Variants in NHS observed in about 807,000 individuals in gnomAD.
The protein encoded by NHS is NHS actin remodeling regulator, also known as actin remodeling regulator NHS.
Under a neutral mutation model 72.5 loss-of-function variants are expected in NHS, and 5 were observed. The ratio of observed to expected loss-of-function variants is 0.07; its 90% CI spans 0.04 to 0.14. The LOEUF is 0.14. Among genes scored for constraint, NHS ranks in the 10% least tolerant of loss-of-function variants. The pLI is 1.00. For missense variants in NHS, 1,072 were observed against 1,355.7 expected, an observed-to-expected ratio of 0.79 and a Z score of 3.29; for synonymous variants, 464 against 547.7, an observed-to-expected ratio of 0.85 and a Z score of 2.13.
intron 1 of NHS, among the ~76,000 whole-genome samples, chrX:17,437,510 C>T (rs184980715): frequency 1.5e-4 from 17 of 111,634 alleles, no homozygotes; most frequent in Non-Finnish European, 2.8e-4. Flanking sequence ...TACCTTCCCT[C>T]CTTGGGAAAT....
intron 1 of NHS, among the ~76,000 whole-genome samples, chrX:17,428,745 G>C (rs908155218): frequency 8.9e-6 from 1 of 111,793 alleles, no homozygotes; most frequent in African/African-American, 3.3e-5. Context: ...CCAAGTTTAA[G>C]AAAGTTGAGT....
intron 1 of NHS, among the ~76,000 whole-genome samples, chrX:17,439,080 T>C (rs1186218560): frequency 4.6e-5 from 4 of 86,736 alleles, no homozygotes; most frequent in Non-Finnish European, 6.4e-5. Flanking sequence ...TCCTTCAAAA[T>C]TGGTGCACAT....
intron 1 of NHS, among the ~76,000 whole-genome samples, chrX:17,639,332 T>A (rs1332074278): frequency 8.9e-6 from 1 of 112,055 alleles, no homozygotes; most frequent in Non-Finnish European, 1.9e-5. Context: ...GTCAGGTGCC[T>A]TAGTCCATTT....
chrX:17,585,615 G>A (rs2065570640), intron 1 of NHS, among the ~76,000 whole-genome samples: 2 of 110,236 alleles, frequency 1.8e-5, no homozygotes, highest in Admixed American at 1.9e-4. Flanking sequence ...CTCTGAGGAG[G>A]GGTCCCCCAG....
At chrX:17,427,423 G>A (rs1007056235) in intron 1 of NHS, among the ~76,000 whole-genome samples, 3 of 112,309 alleles carry the variant, frequency 2.7e-5, no homozygotes, top group African/African-American at 9.7e-5. Flanking sequence ...ACCAACTCAT[G>A]CCGCTGTTGT....
intron 5 of NHS, 64 bp from the exon 6 acceptor site, chrX:17,724,235 T>A: frequency 8.4e-7 from 1 of 1,193,940 alleles, no homozygotes; most frequent in Non-Finnish European, 1.1e-6. Flanking sequence ...TATCACTGTG[T>A]TCCAAGTAAA....
rs1005518705 is a variant in NHS, at chrX:17,537,176, A to C, written c.566-150566A>C. Among the ~76,000 whole-genome samples, 3 of 112,206 alleles carry C rather than the reference A, an allele frequency of 2.7e-5. No individual in the cohort carries two copies. The Admixed American group carries it at 2.8e-4, about 11-fold the overall frequency. On this transcript the variant is annotated intron_variant, in intron 1 of 8. Transcript: ENST00000676302. ...GGGCACGTATATGGCACCAAACTTG[A>C]AGTGAAGTTTCTGGTAGATGTTTTG...
At chrX:17,482,966 C>T (rs1296715063) in intron 1 of NHS, among the ~76,000 whole-genome samples, 1 of 111,692 alleles carries the variant, frequency 9.0e-6, no homozygotes, top group Non-Finnish European at 1.9e-5. Flanking sequence ...GTTCTGACAC[C>T]TCGTGGGGAC....
intron 1 of NHS, among the ~76,000 whole-genome samples, chrX:17,588,172 G>A (rs1346496498): frequency 5.4e-5 from 6 of 111,374 alleles, no homozygotes; most frequent in Non-Finnish European, 7.5e-5. Flanking sequence ...AAAATAACAC[G>A]GTTCAAAAGC....
At chrX:17,643,410 G>A (rs189853576) in intron 1 of NHS, among the ~76,000 whole-genome samples, 1 of 111,536 alleles carries the variant, frequency 9.0e-6, no homozygotes, top group African/African-American at 3.3e-5. Flanking sequence ...GAAAGTGGGA[G>A]CTCTCAATGA....
At chrX:17,390,526 G>A (rs1345609743) in intron 1 of NHS, among the ~76,000 whole-genome samples, 2 of 111,555 alleles carry the variant, frequency 1.8e-5, no homozygotes, top group Non-Finnish European at 3.8e-5. Flanking sequence ...AGAAGTCATA[G>A]GGCTTTCTGC....
chrX:17,537,379 TG>T (rs1167819850), intron 1 of NHS, among the ~76,000 whole-genome samples: 1 of 112,640 alleles, frequency 8.9e-6, no homozygotes, highest in Non-Finnish European at 1.9e-5. Flanking sequence ...AGAATCTCTT[TG>T]GATGAGGAGG....
intron 3 of NHS, among the ~76,000 whole-genome samples, chrX:17,699,113 C>T (rs769730096): frequency 1.4e-4 from 16 of 111,890 alleles, no homozygotes; most frequent in Non-Finnish European, 2.8e-4. Context: ...ATCCCCTGTT[C>T]TTGGATAGAA....
chrX:17,539,870 G>T (rs1034102561), intron 1 of NHS, among the ~76,000 whole-genome samples: 1 of 112,023 alleles, frequency 8.9e-6, no homozygotes, highest in East Asian at 2.8e-4. Flanking sequence ...CAGGTGTGAG[G>T]TTTCTGTTTG....
intron 1 of NHS, among the ~76,000 whole-genome samples, chrX:17,430,467 G>A (rs1334657943): frequency 1.2e-5 from 1 of 85,921 alleles, no homozygotes; most frequent in Non-Finnish European, 2.2e-5. Context: ...TTATTTATTG[G>A]GTGCTAAACA....
intron 1 of NHS, among the ~76,000 whole-genome samples, chrX:17,549,832 C>T (rs2065321597): frequency 9.0e-6 from 1 of 110,758 alleles, no homozygotes; most frequent in African/African-American, 3.3e-5. Context: ...AGCCTTTAGC[C>T]CTGGAAAAGG....
At chrX:17,416,551 T>C (rs151055425) in intron 1 of NHS, among the ~76,000 whole-genome samples, 1 of 112,637 alleles carries the variant, frequency 8.9e-6, no homozygotes, top group East Asian at 2.8e-4. Flanking sequence ...GCTCACTCCA[T>C]CCACTTTGCT....
At chrX:17,731,339 G>A (rs1284563904) in intron 8 of NHS, among the ~76,000 whole-genome samples, 1 of 100,623 alleles carries the variant, frequency 9.9e-6, no homozygotes, top group Non-Finnish European at 2.0e-5. Flanking sequence ...CCGGGTTCAA[G>A]TGATTCTCCT....
intron 1 of NHS, among the ~76,000 whole-genome samples, chrX:17,485,292 T>A (rs1386362834): frequency 3.5e-5 from 4 of 112,786 alleles, no homozygotes; most frequent in Non-Finnish European, 7.5e-5. Flanking sequence ...CTTTTTATGC[T>A]ATCACATTCT....
Sources: allele counts gnomAD v4.1 joint callset (sites outside exome capture counted in the v4.1 genomes callset), GRCh38; gene constraint gnomAD v4.1.1; transcripts MANE v1.5; gene names NCBI Gene and HGNC (gene_info 2026-07-23, HGNC 2026-07-21).